Variants in UTS2 observed in about 807,000 individuals in gnomAD.
UTS2 encodes the protein urotensin-2.
Under a neutral mutation model 12.6 loss-of-function variants are expected in UTS2, and 10 were observed. The observed-to-expected ratio is 0.80, with a 90% CI of 0.49 to 1.35. The LOEUF is 1.35. UTS2 is among the 40% of genes most tolerant of loss of function. The pLI, the probability that UTS2 is intolerant of heterozygous loss-of-function variation, is 0.00. For synonymous variants in UTS2, 52 were observed against 50.0 expected (o/e 1.04, Z -0.17); for missense variants, 142 against 143.2 (o/e 0.99, Z 0.04).
upstream of UTS2, chr1:7,853,470 C>T: frequency 6.2e-7 from 1 of 1,600,754 alleles, no homozygotes; most frequent in Non-Finnish European, 8.5e-7. Context: ...AGTTGCCATG[C>T]TGTGTTTAGG....
At chr1:7,868,815 G>A in the UTS2 span, among the ~76,000 whole-genome samples, 1 of 152,210 alleles carries the variant, frequency 6.6e-6, no homozygotes, top group Admixed American at 6.5e-5. Context: ...TGCAGGTGGG[G>A]CTGTTGGGAG....
the UTS2 span, among the ~76,000 whole-genome samples, chr1:7,911,017 C>A: frequency 2.0e-5 from 3 of 149,296 alleles, no homozygotes; most frequent in Non-Finnish European, 4.5e-5. Context: ...TGTGAGCCAC[C>A]GTGACTGCCT....
the UTS2 span, among the ~76,000 whole-genome samples, chr1:7,867,575 C>A: frequency 2.6e-5 from 4 of 152,140 alleles, no homozygotes; most frequent in South Asian, 2.1e-4. Flanking sequence ...ACATGTTGAT[C>A]TTGAGAAAAT....
the UTS2 span, among the ~76,000 whole-genome samples, chr1:7,900,915 GT>G: frequency 6.6e-6 from 1 of 152,146 alleles, no homozygotes; most frequent in Non-Finnish European, 1.5e-5. Flanking sequence ...CTCTGGAAGA[GT>G]TTTTATAAAA....
At chr1:7,853,183 T>C (rs145986079), upstream of UTS2, 467 of 1,518,086 alleles carry the variant, frequency 3.1e-4, 1 homozygote, top group South Asian at 6.6e-4. Flanking sequence ...TCACTTTGCA[T>C]TGATGTAATT....
the UTS2 span, among the ~76,000 whole-genome samples, chr1:7,886,525 T>G: frequency 6.6e-6 from 1 of 152,182 alleles, no homozygotes; most frequent in Non-Finnish European, 1.5e-5. Flanking sequence ...CAGATGAGCT[T>G]ACGGGAGCGG....
the UTS2 span, among the ~76,000 whole-genome samples, chr1:7,912,579 G>C: frequency 6.6e-6 from 1 of 152,148 alleles, no homozygotes; most frequent in Admixed American, 6.6e-5. Context: ...TCAACCTCCT[G>C]AGTAGTTGGG....
chr1:7,889,100 G>T, the UTS2 span, among the ~76,000 whole-genome samples: 2 of 150,940 alleles, frequency 1.3e-5, no homozygotes, highest in South Asian at 2.1e-4. Flanking sequence ...AAAAAAAAAG[G>T]CCCAGAGAGG....
the UTS2 span, among the ~76,000 whole-genome samples, chr1:7,883,845 CT>C: frequency 7.2e-4 from 105 of 146,282 alleles, 2 homozygotes; most frequent in Non-Finnish European, 7.0e-4. Context: ...ATAAAATATT[CT>C]TTTTTTTTTT....
chr1:7,856,266 T>G (rs1189129279), upstream of UTS2, among the ~76,000 whole-genome samples: 1 of 152,196 alleles, frequency 6.6e-6, no homozygotes, highest in Non-Finnish European at 1.5e-5. Flanking sequence ...AAGTTTCTAC[T>G]CTCATGAACT....
intron 3 of UTS2, among the ~76,000 whole-genome samples, chr1:7,849,219 T>C (rs2097411230): frequency 6.6e-6 from 1 of 152,076 alleles, no homozygotes; most frequent in Non-Finnish European, 1.5e-5. Context: ...CCAATTATTA[T>C]TATTATTATT....
the UTS2 span, among the ~76,000 whole-genome samples, chr1:7,867,388 GTCAA>G: frequency 6.6e-6 from 1 of 152,124 alleles, no homozygotes; most frequent in East Asian, 1.9e-4. Context: ...TAAAAATGGG[GTCAA>G]TCATTTGGTC....
chr1:7,911,900 CA>C, the UTS2 span, among the ~76,000 whole-genome samples: 1,324 of 133,662 alleles, frequency 9.9e-3, 12 homozygotes, highest in African/African-American at 0.018. Flanking sequence ...GACTCTGTCT[CA>C]AAAAAAAAAA....
chr1:7,905,909 T>A, the UTS2 span, among the ~76,000 whole-genome samples: 1 of 151,804 alleles, frequency 6.6e-6, no homozygotes, highest in African/African-American at 2.4e-5. Context: ...TGGGGCAGTG[T>A]CTTGCCGGGT....
At chr1:7,856,089 CG>C (rs1349301657), upstream of UTS2, among the ~76,000 whole-genome samples, 3 of 152,026 alleles carry the variant, frequency 2.0e-5, no homozygotes, top group Non-Finnish European at 2.9e-5. Context: ...CCTCGGCCCC[CG>C]GAAGTGCTGG....
At chr1:7,849,967 CA>C (rs1208824367) in intron 2 of UTS2, among the ~76,000 whole-genome samples, 3 of 127,076 alleles carry the variant, frequency 2.4e-5, no homozygotes, top group African/African-American at 5.1e-5. Flanking sequence ...TTAAAAGGCT[CA>C]AATTTTTTTT....
At chr1:7,884,845 C>T in the UTS2 span, among the ~76,000 whole-genome samples, 1 of 151,888 alleles carries the variant, frequency 6.6e-6, no homozygotes, top group Admixed American at 6.6e-5. Context: ...ATCATACACC[C>T]ACCATCTATC....
chr1:7,908,193 G>A, the UTS2 span, among the ~76,000 whole-genome samples: 23 of 151,624 alleles, frequency 1.5e-4, no homozygotes, highest in South Asian at 8.3e-4. Flanking sequence ...CAGCTACTCC[G>A]GAGCCTGGGG....
chr1:7,912,235 A>G, the UTS2 span, among the ~76,000 whole-genome samples: 1 of 152,136 alleles, frequency 6.6e-6, no homozygotes, highest in African/African-American at 2.4e-5. Context: ...GCTAACTAGA[A>G]GTCACACAGG....
Sources: allele counts gnomAD v4.1 joint callset (sites outside exome capture counted in the v4.1 genomes callset), GRCh38; gene constraint gnomAD v4.1.1; transcripts MANE v1.5; gene names NCBI Gene and HGNC (gene_info 2026-07-23, HGNC 2026-07-21).